Variants in IQUB observed in about 807,000 individuals in gnomAD.
IQUB encodes the protein IQ motif and ubiquitin domain containing, also known as IQ motif and ubiquitin-like domain-containing protein.
IQUB carries 86 observed loss-of-function variants against 86.4 expected under a neutral mutation model. The ratio of observed to expected loss-of-function variants is 1.00; its 90% confidence interval spans 0.84 to 1.19. The LOEUF (loss-of-function observed/expected upper bound fraction) is 1.19. Ranked by LOEUF, IQUB falls within the 50% of genes most tolerant of loss-of-function variation. The pLI is 0.00. For missense variants in IQUB, 946 were observed against 916.9 expected, an observed-to-expected ratio of 1.03 and a Z score of -0.41; for synonymous variants, 289 against 304.5, an observed-to-expected ratio of 0.95 and a Z score of 0.53.
At chr7:123,463,866 C>T (rs980201636) in intron 10 of IQUB, among the ~76,000 whole-genome samples, 2 of 151,658 alleles carry the variant, frequency 1.3e-5, no homozygotes, top group South Asian at 4.1e-4. Flanking sequence ...AATAAGTCTA[C>T]AGAGAAAGAA....
chr7:123,511,319 TTC>T (rs1796404897), intron 2 of IQUB, among the ~76,000 whole-genome samples: 1 of 152,124 alleles, frequency 6.6e-6, no homozygotes, highest in Non-Finnish European at 1.5e-5. Context: ...ACTAGAATGG[TTC>T]TCTGTGTAAC....
chr7:123,480,005 A>T (rs1794930296), intron 7 of IQUB, 35 bp from the exon 8 acceptor site: 2 of 1,521,332 alleles, frequency 1.3e-6, no homozygotes, highest in Admixed American at 2.2e-5. Context: ...TTGAGTTTTT[A>T]AAAATCCCAT....
At chr7:123,461,209 A>G (rs1793963725) in intron 11 of IQUB, 148 bp downstream of exon 11, 2 of 779,792 alleles carry the variant, frequency 2.6e-6, no homozygotes, top group East Asian at 2.5e-5. Flanking sequence ...GAGGGAAAAA[A>G]AGCATACTCC....
chr7:123,457,670 T>A, intron 11 of IQUB, 104 bp from the exon 12 acceptor site: 12 of 847,492 alleles, frequency 1.4e-5, no homozygotes, highest in Middle Eastern at 3.3e-4. Context: ...TTAAGTGAAT[T>A]ATTATTCACT....
chr7:123,528,470 T>C (rs1797368157), intron 1 of IQUB, among the ~76,000 whole-genome samples: 1 of 152,218 alleles, frequency 6.6e-6, no homozygotes, highest in Non-Finnish European at 1.5e-5. Context: ...TTAAGCAATA[T>C]TTTCAAGAAC....
At chr7:123,460,335 A>G (rs191560211) in intron 11 of IQUB, among the ~76,000 whole-genome samples, 30 of 152,120 alleles carry the variant, frequency 2.0e-4, no homozygotes, top group Admixed American at 1.7e-3. Flanking sequence ...CATTTTTACT[A>G]TAGATTGAGA....
In IQUB at chr7:123,469,257, T is replaced by C; in HGVS notation, c.1538A>G (p.Asp513Gly). 6.2e-7 allele frequency: 1 copy of C among 1,605,722 alleles called. No homozygotes were observed. Among genetic ancestry groups the C allele is most frequent in the Non-Finnish European group, 8.5e-7 (1 of 1,176,278 alleles). ...AGTTAACAGCACATCCAGCCTCTCA[T>C]CTTGGGAGATATTTTTCAGCATAAT... is the stretch of plus-strand genomic sequence containing the variant. ...KCIMLKNISQ[D>G]ERLDVLLTLK... Residue 513 changes from aspartate (D) to glycine (G), a missense_variant, in exon 9 of 13, where the codon GAT becomes GGT. By Grantham distance (94) the Asp-to-Gly change is moderately conservative (BLOSUM62 -1). Coordinates refer to ENST00000324698, the MANE Select transcript of IQUB (RefSeq NM_178827.5).
chr7:123,533,561 C>T (rs1029373157), intron 1 of IQUB, among the ~76,000 whole-genome samples: 1 of 151,962 alleles, frequency 6.6e-6, no homozygotes, highest in African/African-American at 2.4e-5. Flanking sequence ...TCCAAATTTC[C>T]TGACATGCTT....
At chr7:123,507,375 T>C (rs545853988) in intron 3 of IQUB, among the ~76,000 whole-genome samples, 1 of 152,256 alleles carries the variant, frequency 6.6e-6, no homozygotes, top group African/African-American at 2.4e-5. Context: ...CTGAGCACAC[T>C]TAAGGTAGGC....
At chr7:123,515,237 C>G (rs991087030) in intron 1 of IQUB, among the ~76,000 whole-genome samples, 30 of 152,192 alleles carry the variant, frequency 2.0e-4, no homozygotes, top group African/African-American at 6.7e-4. Context: ...AACATATTAG[C>G]CAACACCCCA....
At chr7:123,517,545 A>AG (rs1387235008) in intron 1 of IQUB, among the ~76,000 whole-genome samples, 1 of 149,702 alleles carries the variant, frequency 6.7e-6, no homozygotes, top group Non-Finnish European at 1.5e-5. Context: ...AAAAAAAAAA[A>AG]AAAAAAAAAA....
At chr7:123,509,636 T>C (rs1796331416) in intron 3 of IQUB, among the ~76,000 whole-genome samples, 1 of 152,222 alleles carries the variant, frequency 6.6e-6, no homozygotes, top group South Asian at 2.1e-4. Flanking sequence ...ACATGGTAGC[T>C]ACTGCATGCA....
rs369962492 is a variant in IQUB at position 123,512,132 on chromosome 7, C to T, written c.209G>A (p.Ser70Asn). 4.3e-6 allele frequency: 7 copies of T among 1,613,866 alleles called. No homozygotes were observed. In the African/African-American group the frequency reaches 8.0e-5, roughly 18 times the overall value. Reference sequence around the variant, plus strand: ...GAGTTGTTCATTGTCTGGTTCCAGGCTTGAAAAGCTTTGGTCACTCTGCTC... The same window carrying T: ...GAGTTGTTCATTGTCTGGTTCCAGGTTTGAAAAGCTTTGGTCACTCTGCTC... ...VEEQSDQSFS[S>N]LEPDNEQLME... Residue 70 changes from serine to asparagine, a missense_variant, in exon 2 of 13, where the codon AGC becomes AAC. Physicochemically the swap from Ser to Asn is conservative, Grantham distance 46. Transcript: ENST00000324698.
At position 123,527,346 on chromosome 7, in the gene IQUB, T is replaced by C. The variant is rs372438370; in HGVS notation, c.-5+7146A>G. 4.6e-4 allele frequency among the ~76,000 whole-genome samples: 70 copies of C among 152,368 alleles called. No homozygotes were observed. In the East Asian group the frequency reaches 4.8e-3, roughly 10 times the overall value. On this transcript the variant is annotated intron_variant, in intron 1 of 12. Coordinates refer to ENST00000324698, the MANE Select transcript of IQUB (RefSeq NM_178827.5). ...AGTCATTCTCCATCCAGCTTTGTTC[T>C]GTTGCTGGTGAGGAACTGCGTTCCT...
chr7:123,457,644 A>G, intron 11 of IQUB, 78 bp from the exon 12 acceptor site: 2 of 1,052,062 alleles, frequency 1.9e-6, no homozygotes. Flanking sequence ...GCAAATAATT[A>G]AATTATAGAG....
intron 1 of IQUB, among the ~76,000 whole-genome samples, chr7:123,522,352 G>C (rs902196098): frequency 6.6e-6 from 1 of 152,160 alleles, no homozygotes; most frequent in East Asian, 1.9e-4. Context: ...AAGAAACAGT[G>C]ACTAATTTAT....
intron 8 of IQUB, among the ~76,000 whole-genome samples, chr7:123,470,211 G>A (rs1292976163): frequency 6.6e-6 from 1 of 152,166 alleles, no homozygotes; most frequent in Non-Finnish European, 1.5e-5. Context: ...CCCTCTGACA[G>A]GGACATTTAG....
At chr7:123,455,259 A>C (rs1374502046) in intron 12 of IQUB, among the ~76,000 whole-genome samples, 2 of 152,042 alleles carry the variant, frequency 1.3e-5, no homozygotes, top group Admixed American at 1.3e-4. Flanking sequence ...GCGTCTAGCT[A>C]TTTGAAACCA....
intron 1 of IQUB, among the ~76,000 whole-genome samples, chr7:123,518,892 C>A (rs932079904): frequency 7.2e-5 from 11 of 152,176 alleles, no homozygotes; most frequent in Admixed American, 4.6e-4. Context: ...CTGCACCTGG[C>A]CTGTTACTAC....
Sources: allele counts gnomAD v4.1 joint callset (sites outside exome capture counted in the v4.1 genomes callset), GRCh38; gene constraint gnomAD v4.1.1; transcripts MANE v1.5; gene names NCBI Gene and HGNC (gene_info 2026-07-23, HGNC 2026-07-21).